Variants in FAF1 observed in about 807,000 individuals in gnomAD.
FAF1 encodes the protein Fas associated factor 1.
FAF1 carries 25 observed loss-of-function variants against 92.5 expected under a neutral mutation model. The observed-to-expected ratio is 0.27, with a 90% CI of 0.20 to 0.38. The LOEUF is 0.38. FAF1 is among the 10% of genes least tolerant of loss of function. The pLI is 1.00. For missense variants in FAF1, 636 were observed against 793.3 expected, an observed-to-expected ratio of 0.80 and a Z score of 2.38; for synonymous variants, 234 against 273.2, an observed-to-expected ratio of 0.86 and a Z score of 1.42.
intron 15 of FAF1, among the ~76,000 whole-genome samples, chr1:50,531,106 A>C (rs1361957597): frequency 6.6e-6 from 1 of 152,210 alleles, no homozygotes; most frequent in African/African-American, 2.4e-5. Flanking sequence ...CTTTAAAATA[A>C]GCCTAGAATG....
intron 7 of FAF1, among the ~76,000 whole-genome samples, chr1:50,657,918 G>C (rs1228123961): frequency 2.6e-5 from 4 of 152,156 alleles, no homozygotes; most frequent in African/African-American, 9.7e-5. Context: ...GAGGTTCTTA[G>C]CAAATGGCTA....
chr1:50,667,892 T>C (rs947849259), intron 7 of FAF1, among the ~76,000 whole-genome samples: 10 of 152,184 alleles, frequency 6.6e-5, no homozygotes, highest in African/African-American at 2.4e-4. Flanking sequence ...AATGACTATA[T>C]CCCTTCCCAC....
intron 4 of FAF1, among the ~76,000 whole-genome samples, chr1:50,750,317 A>T (rs2124508271): frequency 6.6e-6 from 1 of 152,346 alleles, no homozygotes; most frequent in African/African-American, 2.4e-5. Flanking sequence ...GGCAGCATAT[A>T]TACTAAATTT....
chr1:50,485,201 T>C (rs955820181), intron 17 of FAF1, among the ~76,000 whole-genome samples: 3 of 151,862 alleles, frequency 2.0e-5, no homozygotes, highest in African/African-American at 7.3e-5. Flanking sequence ...GCTCAACTGA[T>C]CCTCCCACCT....
intron 4 of FAF1, among the ~76,000 whole-genome samples, chr1:50,770,339 T>C (rs1285170330): frequency 6.6e-6 from 1 of 152,170 alleles, no homozygotes; most frequent in Admixed American, 6.5e-5. Flanking sequence ...GATGATATGA[T>C]AGTATACCTA....
intron 17 of FAF1, among the ~76,000 whole-genome samples, chr1:50,486,976 G>C (rs1431368102): frequency 6.6e-6 from 1 of 151,986 alleles, no homozygotes; most frequent in East Asian, 1.9e-4. Context: ...TGTAGTATTT[G>C]GGCCTTTGCA....
At chr1:50,683,297 C>G (rs914578660) in intron 7 of FAF1, among the ~76,000 whole-genome samples, 1 of 152,026 alleles carries the variant, frequency 6.6e-6, no homozygotes, top group African/African-American at 2.4e-5. Context: ...GAGGTCGATG[C>G]AGGTGGATCA....
chr1:50,601,047 T>A (rs1463937528), intron 8 of FAF1, among the ~76,000 whole-genome samples: 1 of 152,200 alleles, frequency 6.6e-6, no homozygotes, highest in African/African-American at 2.4e-5. Context: ...AACTATGTAA[T>A]GTGTACATAT....
intron 1 of FAF1, among the ~76,000 whole-genome samples, chr1:50,885,757 C>T (rs995295584): frequency 1.3e-5 from 2 of 152,094 alleles, no homozygotes; most frequent in Non-Finnish European, 2.9e-5. Flanking sequence ...GTATTCTCTT[C>T]CTTCTTTGTT....
intron 12 of FAF1, among the ~76,000 whole-genome samples, chr1:50,575,825 C>G (rs986618050): frequency 1.5e-4 from 23 of 152,210 alleles, no homozygotes; most frequent in African/African-American, 5.5e-4. Flanking sequence ...GAGCTAGAAA[C>G]TTACCAACTA....
At chr1:50,661,448 A>G (rs1655372062) in intron 7 of FAF1, among the ~76,000 whole-genome samples, 1 of 152,210 alleles carries the variant, frequency 6.6e-6, no homozygotes, top group African/African-American at 2.4e-5. Context: ...TTTAGTTTCT[A>G]GATTTTCTGA....
chr1:50,550,094 G>A (rs1290994179), intron 13 of FAF1, among the ~76,000 whole-genome samples: 1 of 152,098 alleles, frequency 6.6e-6, no homozygotes, highest in Non-Finnish European at 1.5e-5. Context: ...GCTCACGCCT[G>A]TAATCCCAGC....
Position 50,438,448 on chromosome 1 carries a change from A to C in FAF1, c.*2992T>G, listed in dbSNP as rs1235716334. 1 of 152,260 alleles carries C rather than the reference A, an allele frequency of 6.6e-6. No individual in the cohort carries two copies. The highest frequency in any genetic ancestry group is 1.5e-5 in the Non-Finnish European group (1 of 68,076). The allele number at this position is 152,260 out of a possible 1,614,324, so 9.4% of individuals were successfully genotyped here. ...TTTAAAAAGGATCAAAAGAGAAAAT[A>C]CAGGTGAAAGGGTTACACAGACTAT... On this transcript the variant is annotated 3_prime_UTR_variant, in exon 19 of 19. Transcript: ENST00000396153.
rs144662071 is a variant in FAF1, at chr1:50,613,167, G to A, written c.745-16951C>T. Among the ~76,000 whole-genome samples, 17 of 152,158 alleles carry A rather than the reference G, an allele frequency of 1.1e-4. 1 individual carries two copies. The East Asian group carries it at 3.3e-3, about 29-fold the overall frequency. On this transcript the variant is annotated intron_variant, in intron 8 of 18. Coordinates refer to ENST00000396153, the MANE Select transcript of FAF1 (RefSeq NM_007051.3). ...AACCTACCTAGTCCTATAATCCAAG[G>A]CCTGGAAACCACTCCAAAGTGAGAT...
At chr1:50,569,990 ACTGT>A (rs1466151096) in intron 12 of FAF1, among the ~76,000 whole-genome samples, 1 of 152,154 alleles carries the variant, frequency 6.6e-6, no homozygotes, top group Non-Finnish European at 1.5e-5. Context: ...AAGATCAGGC[ACTGT>A]CTGTTTTGGA....
chr1:50,891,331 G>C (rs1285846091), intron 1 of FAF1, among the ~76,000 whole-genome samples: 1 of 152,072 alleles, frequency 6.6e-6, no homozygotes, highest in Non-Finnish European at 1.5e-5. Flanking sequence ...AGAGAAGTTT[G>C]GTCTTCTGAA....
chr1:50,727,221 A>G (rs1217141398), intron 6 of FAF1, among the ~76,000 whole-genome samples: 1 of 152,200 alleles, frequency 6.6e-6, no homozygotes, highest in Non-Finnish European at 1.5e-5. Context: ...GAAAGTACTC[A>G]CTATCATCTG....
intron 1 of FAF1, among the ~76,000 whole-genome samples, chr1:50,931,668 C>A (rs1645048017): frequency 6.6e-6 from 1 of 151,928 alleles, no homozygotes; most frequent in Non-Finnish European, 1.5e-5. Context: ...CAGGTTGAGA[C>A]CATCCTAGCT....
intron 13 of FAF1, among the ~76,000 whole-genome samples, chr1:50,562,717 T>C (rs2149053691): frequency 6.6e-6 from 1 of 152,344 alleles, no homozygotes; most frequent in African/African-American, 2.4e-5. Context: ...AGACTATATG[T>C]GTTTTGAGGG....
Sources: gnomAD v4.1 joint callset for allele counts (sites outside exome capture counted in the v4.1 genomes callset) on GRCh38, gnomAD v4.1.1 for gene constraint, MANE v1.5 for transcripts, NCBI Gene and HGNC (gene_info 2026-07-23, HGNC 2026-07-21) for gene names.